The following TENM3 variants were observed in gnomAD, a reference collection of about 807,000 sequenced individuals.
The protein encoded by TENM3 is teneurin transmembrane protein 3.
TENM3 carries 63 observed loss-of-function variants against 255.1 expected under a neutral mutation model. The ratio of observed to expected loss-of-function variants is 0.25; its 90% confidence interval spans 0.20 to 0.30. The LOEUF (loss-of-function observed/expected upper bound fraction) is 0.30, where lower values mean the gene tolerates loss of function less well. Among genes scored for constraint, TENM3 ranks in the 10% least tolerant of loss-of-function variants. The probability of loss-of-function intolerance (pLI) is 1.00; values close to 1 mark genes in which losing one functional copy is unlikely to be tolerated. For synonymous variants in TENM3, 1,306 were observed against 1,322.3 expected, an observed-to-expected ratio of 0.99 and a Z score of 0.27; for missense variants, 2,929 against 3,461.1, an observed-to-expected ratio of 0.85 and a Z score of 3.86.
chr4:182,232,960 T>C (rs2078892662), intron 1 of TENM3, among the ~76,000 whole-genome samples: 1 of 152,314 alleles, frequency 6.6e-6, no homozygotes, highest in South Asian at 2.1e-4. Context: ...AGATTTTTTA[T>C]TTCTGGAATT....
the TENM3 span, among the ~76,000 whole-genome samples, chr4:181,689,305 G>C: frequency 6.6e-6 from 1 of 152,184 alleles, no homozygotes; most frequent in Non-Finnish European, 1.5e-5. Flanking sequence ...ATTTCTGACA[G>C]TGCTTGTTTT....
At chr4:181,835,633 A>T in the TENM3 span, among the ~76,000 whole-genome samples, 1 of 152,230 alleles carries the variant, frequency 6.6e-6, no homozygotes, top group East Asian at 1.9e-4. Context: ...AATCTATTGC[A>T]TATTCAGCTA....
intron 1 of TENM3, among the ~76,000 whole-genome samples, chr4:182,200,100 TAAAC>T (rs1362854331): frequency 4.6e-5 from 7 of 152,106 alleles, no homozygotes; most frequent in African/African-American, 1.7e-4. Context: ...AAATTTATAT[TAAAC>T]AGACAGTGGT....
chr4:181,607,958 G>C, the TENM3 span, among the ~76,000 whole-genome samples: 2 of 152,186 alleles, frequency 1.3e-5, no homozygotes, highest in African/African-American at 4.8e-5. Context: ...ATTTTTCCTT[G>C]ATGCAAAAGT....
At chr4:182,306,871 T>A (rs1762165894) in intron 1 of TENM3, among the ~76,000 whole-genome samples, 1 of 152,310 alleles carries the variant, frequency 6.6e-6, no homozygotes. Context: ...AACTACTCAA[T>A]TGAATGCTGC....
At chr4:182,392,162 G>A (rs911722072) in intron 3 of TENM3, among the ~76,000 whole-genome samples, 1 of 152,184 alleles carries the variant, frequency 6.6e-6, no homozygotes, top group Admixed American at 6.5e-5. Flanking sequence ...ATATAAGGCT[G>A]TGGGATGTGA....
chr4:182,107,527 G>C, the TENM3 span, among the ~76,000 whole-genome samples: 1 of 152,180 alleles, frequency 6.6e-6, no homozygotes, highest in South Asian at 2.1e-4. Context: ...AAAAGTGGGG[G>C]GACATTGGGT....
At chr4:182,795,828 T>A (rs1230502065) in intron 26 of TENM3, among the ~76,000 whole-genome samples, 2 of 152,244 alleles carry the variant, frequency 1.3e-5, no homozygotes. Flanking sequence ...CAATTTCAAA[T>A]TTTCCAGCAA....
At chr4:182,282,934 C>G (rs1043460225) in intron 1 of TENM3, among the ~76,000 whole-genome samples, 19 of 151,322 alleles carry the variant, frequency 1.3e-4, no homozygotes, top group Non-Finnish European at 2.1e-4. Context: ...TTAAATATCT[C>G]CTAGTACATG....
intron 1 of TENM3, among the ~76,000 whole-genome samples, chr4:182,236,072 G>A (rs1006811831): frequency 6.6e-6 from 1 of 152,222 alleles, no homozygotes; most frequent in Non-Finnish European, 1.5e-5. Context: ...TGGGAGGATA[G>A]TGAAGGAAGA....
chr4:181,990,925 A>G, the TENM3 span, among the ~76,000 whole-genome samples: 2 of 152,166 alleles, frequency 1.3e-5, no homozygotes, highest in Non-Finnish European at 2.9e-5. Flanking sequence ...GTGCAAGCAA[A>G]TAACAAAAAA....
the TENM3 span, among the ~76,000 whole-genome samples, chr4:181,754,575 G>A: frequency 2.0e-5 from 3 of 152,122 alleles, no homozygotes; most frequent in Non-Finnish European, 2.9e-5. Flanking sequence ...AGAAAGTGCC[G>A]TTAACAAAGG....
At chr4:181,721,527 G>C in the TENM3 span, among the ~76,000 whole-genome samples, 1 of 82,894 alleles carries the variant, frequency 1.2e-5, no homozygotes, top group African/African-American at 3.8e-5. Flanking sequence ...GTGAACCCGG[G>C]AGGCGGAGCT....
At chr4:181,651,019 G>C in the TENM3 span, among the ~76,000 whole-genome samples, 511 of 152,188 alleles carry the variant, frequency 3.4e-3, 1 homozygote, top group Non-Finnish European at 5.5e-3. Context: ...TGATTTCTCC[G>C]GCCTTCTATC....
At chr4:181,975,743 T>TA in the TENM3 span, 2 of 152,174 alleles carry the variant, frequency 1.3e-5, no homozygotes, top group African/African-American at 4.8e-5. Flanking sequence ...CACTTGTGGA[T>TA]AAATATGGAA....
chr4:181,555,443 A>C, the TENM3 span, among the ~76,000 whole-genome samples: 1 of 152,188 alleles, frequency 6.6e-6, no homozygotes, highest in Non-Finnish European at 1.5e-5. Context: ...GCTTTATTTA[A>C]GGTATGATCA....
the TENM3 span, among the ~76,000 whole-genome samples, chr4:181,536,939 C>T: frequency 6.6e-6 from 1 of 152,108 alleles, no homozygotes; most frequent in African/African-American, 2.4e-5. Flanking sequence ...TACAGATTGC[C>T]TCATAAAACC....
the TENM3 span, among the ~76,000 whole-genome samples, chr4:181,747,371 T>C: frequency 6.6e-6 from 1 of 152,088 alleles, no homozygotes; most frequent in South Asian, 2.1e-4. Context: ...TATTTTGAGA[T>C]CATTGTAAAT....
chr4:182,339,174 C>A (rs1764320336), intron 2 of TENM3, among the ~76,000 whole-genome samples: 1 of 152,132 alleles, frequency 6.6e-6, no homozygotes, highest in African/African-American at 2.4e-5. Context: ...AAACCTGAAA[C>A]ATTAATCAGA....
Sources: gnomAD v4.1 joint callset for allele counts (sites outside exome capture counted in the v4.1 genomes callset) on GRCh38, gnomAD v4.1.1 for gene constraint, MANE v1.5 for transcripts, NCBI Gene and HGNC (gene_info 2026-07-23, HGNC 2026-07-21) for gene names.